PTPRD: variants seen among roughly 807,000 people sequenced by gnomAD.
PTPRD encodes protein tyrosine phosphatase receptor type D, also known as receptor-type tyrosine-protein phosphatase delta.
PTPRD carries 34 observed loss-of-function variants against 214.5 expected under a neutral mutation model. That is an observed-to-expected ratio of 0.16 (90% CI 0.12 to 0.21). The LOEUF is 0.21. PTPRD is among the 10% of genes least tolerant of loss of function. PTPRD has a pLI of 1.00. For missense variants in PTPRD, 2,545 were observed against 2,398.7 expected (o/e 1.06, Z -1.27); for synonymous variants, 1,128 against 845.7 (o/e 1.33, Z -5.79).
intron 14 of PTPRD, among the ~76,000 whole-genome samples, chr9:8,618,715 T>A (rs1222373014): frequency 6.6e-6 from 1 of 151,828 alleles, no homozygotes; most frequent in African/African-American, 2.4e-5. Flanking sequence ...TTCTTGTTTT[T>A]AGACAGAGTA....
At chr9:8,702,994 C>A (rs555697155) in intron 12 of PTPRD, among the ~76,000 whole-genome samples, 1 of 152,334 alleles carries the variant, frequency 6.6e-6, no homozygotes, top group African/African-American at 2.4e-5. Flanking sequence ...ACTGGATTGA[C>A]TGGAGAAGTT....
At chr9:10,594,105 G>T (rs1326677298) in intron 2 of PTPRD, among the ~76,000 whole-genome samples, 1 of 151,974 alleles carries the variant, frequency 6.6e-6, no homozygotes, top group South Asian at 2.1e-4. Context: ...TATTTCAGTT[G>T]CTTTCCCCTT....
At chr9:9,275,036 T>C (rs1332629226) in intron 9 of PTPRD, among the ~76,000 whole-genome samples, 1 of 112,000 alleles carries the variant, frequency 8.9e-6, no homozygotes, top group Non-Finnish European at 1.7e-5. Context: ...TCAAAATCCC[T>C]TTGTTTCCAT....
intron 3 of PTPRD, among the ~76,000 whole-genome samples, chr9:10,157,515 G>A (rs776028870): frequency 3.9e-5 from 6 of 152,064 alleles, no homozygotes; most frequent in Non-Finnish European, 7.4e-5. Context: ...TAGTCTCACG[G>A]GCTTCCCTTT....
chr9:8,609,726 A>G (rs2095372229), intron 14 of PTPRD, among the ~76,000 whole-genome samples: 1 of 152,254 alleles, frequency 6.6e-6, no homozygotes, highest in African/African-American at 2.4e-5. Flanking sequence ...AGCTGGTTAT[A>G]GGTACTAAAT....
chr9:10,300,162 C>T (rs968388175), intron 3 of PTPRD, among the ~76,000 whole-genome samples: 1 of 152,010 alleles, frequency 6.6e-6, no homozygotes, highest in African/African-American at 2.4e-5. Flanking sequence ...ACAACAACAA[C>T]AAAAAAGTAA....
chr9:8,700,294 C>G (rs537057322), intron 12 of PTPRD, among the ~76,000 whole-genome samples: 1 of 152,278 alleles, frequency 6.6e-6, no homozygotes, highest in South Asian at 2.1e-4. Flanking sequence ...TGTAGTAAAA[C>G]CCTCGAATTC....
At chr9:8,668,940 C>G (rs938761278) in intron 12 of PTPRD, among the ~76,000 whole-genome samples, 28 of 152,128 alleles carry the variant, frequency 1.8e-4, no homozygotes, top group Non-Finnish European at 4.4e-5. Flanking sequence ...GATCCTGCTA[C>G]AAGTACCTCC....
At chr9:8,781,270 GC>G (rs1292251220) in intron 11 of PTPRD, among the ~76,000 whole-genome samples, 2 of 152,180 alleles carry the variant, frequency 1.3e-5, no homozygotes, top group East Asian at 3.9e-4. Context: ...GAGTCAGGGG[GC>G]TGCTCTTTAA....
chr9:10,083,738 G>A (rs940887915), intron 3 of PTPRD, among the ~76,000 whole-genome samples: 1 of 151,946 alleles, frequency 6.6e-6, no homozygotes, highest in Non-Finnish European at 1.5e-5. Flanking sequence ...GGGGGTGGAT[G>A]AGGATCATCA....
At chr9:8,824,883 G>A (rs553401457) in intron 11 of PTPRD, among the ~76,000 whole-genome samples, 1 of 152,248 alleles carries the variant, frequency 6.6e-6, no homozygotes, top group South Asian at 2.1e-4. Flanking sequence ...TTGAAACGTA[G>A]TATTTTTCCC....
intron 3 of PTPRD, among the ~76,000 whole-genome samples, chr9:10,264,844 T>C (rs370578375): frequency 1.3e-5 from 2 of 152,168 alleles, no homozygotes; most frequent in South Asian, 4.1e-4. Flanking sequence ...TCCCCACGTG[T>C]TGTGGGAGGG....
intron 43 of PTPRD, among the ~76,000 whole-genome samples, chr9:8,332,565 G>C (rs552189286): frequency 6.6e-6 from 1 of 152,232 alleles, no homozygotes; most frequent in East Asian, 1.9e-4. Flanking sequence ...AGATTGAAGA[G>C]CAGTCTTTCT....
intron 5 of PTPRD, among the ~76,000 whole-genome samples, chr9:9,915,980 G>A (rs879505766): frequency 6.6e-6 from 1 of 151,310 alleles, no homozygotes; most frequent in African/African-American, 2.4e-5. Flanking sequence ...AAAACATTAA[G>A]TAACATATAA....
chr9:10,602,945 C>T (rs1448065655), intron 2 of PTPRD, among the ~76,000 whole-genome samples: 5 of 151,812 alleles, frequency 3.3e-5, no homozygotes, highest in African/African-American at 9.7e-5. Context: ...CCTACCTCCA[C>T]GTTGCTATTC....
At chr9:8,642,300 C>T (rs1322871748) in intron 12 of PTPRD, among the ~76,000 whole-genome samples, 3 of 152,150 alleles carry the variant, frequency 2.0e-5, no homozygotes, top group Admixed American at 2.0e-4. Context: ...GGGAACAAAA[C>T]TAACAGCATG....
chr9:8,430,873 T>C (rs2095000628), intron 35 of PTPRD, among the ~76,000 whole-genome samples: 1 of 152,186 alleles, frequency 6.6e-6, no homozygotes, highest in African/African-American at 2.4e-5. Flanking sequence ...TGAATCCCAA[T>C]AACATTCCAG....
rs545346821 is a variant in PTPRD, at chr9:8,723,023, C to T, written c.64+10757G>A. On this transcript the variant is annotated intron_variant, in intron 12 of 45. Coordinates refer to ENST00000381196, the MANE Select transcript of PTPRD (RefSeq NM_002839.4). ...ATACACATTTTGTCCTAGTAGAGAACAGTAGTACCTAATTCAAGTTTAATA... is the reference window on the plus strand; with the variant it reads ...ATACACATTTTGTCCTAGTAGAGAATAGTAGTACCTAATTCAAGTTTAATA... Among the ~76,000 whole-genome samples the T allele has an allele frequency of 1.3e-3, 191 of 152,274 alleles. 2 individuals are homozygous for T. Among genetic ancestry groups the T allele is most frequent in the African/African-American group, 4.5e-3 (186 of 41,552 alleles).
chr9:9,309,721 G>A (rs1469667496), intron 9 of PTPRD, among the ~76,000 whole-genome samples: 4 of 152,126 alleles, frequency 2.6e-5, no homozygotes, highest in South Asian at 2.1e-4. Context: ...ATGGTACAAC[G>A]TTATTCTGCT....
Sources: allele counts gnomAD v4.1 joint callset (sites outside exome capture counted in the v4.1 genomes callset), GRCh38; gene constraint gnomAD v4.1.1; transcripts MANE v1.5; gene names NCBI Gene and HGNC (gene_info 2026-07-23, HGNC 2026-07-21).